Variants in GPATCH2 observed in about 807,000 individuals in gnomAD.
GPATCH2 encodes the protein G patch domain-containing protein 2.
Under a neutral mutation model 58.0 loss-of-function variants are expected in GPATCH2, and 51 were observed. The ratio of observed to expected loss-of-function variants is 0.88; its 90% confidence interval spans 0.70 to 1.11. GPATCH2 has a LOEUF of 1.11. GPATCH2 is among the 50% of genes most tolerant of loss of function. The pLI is 0.00. For synonymous variants in GPATCH2, 222 were observed against 218.5 expected (o/e 1.02, Z -0.14); for missense variants, 625 against 652.2 (o/e 0.96, Z 0.45).
At chr1:217,609,316 CA>C (rs1203994718) in intron 5 of GPATCH2, 1 of 985,150 alleles carries the variant, frequency 1.0e-6, no homozygotes, top group Admixed American at 6.1e-5. Context: ...TTAAACATGA[CA>C]ATATGATTCA....
intron 8 of GPATCH2, among the ~76,000 whole-genome samples, chr1:217,473,465 G>C (rs554174664): frequency 6.6e-6 from 1 of 152,072 alleles, no homozygotes; most frequent in Admixed American, 6.5e-5. Context: ...TTTATGAAAA[G>C]AATTTCATGT....
At chr1:217,549,801 T>C (rs1665259954) in intron 5 of GPATCH2, among the ~76,000 whole-genome samples, 1 of 152,182 alleles carries the variant, frequency 6.6e-6, no homozygotes, top group Non-Finnish European at 1.5e-5. Context: ...TAACAGGTCT[T>C]ATGCAAAGTC....
At chr1:217,541,714 A>C (rs1436638081) in intron 5 of GPATCH2, among the ~76,000 whole-genome samples, 1 of 152,226 alleles carries the variant, frequency 6.6e-6, no homozygotes, top group Non-Finnish European at 1.5e-5. Flanking sequence ...ACATATAGTA[A>C]AATTCAATTA....
chr1:217,430,989 T>C lies in GPATCH2; in HGVS notation c.*156A>G, dbSNP rs1658506805. 1 of 621,828 alleles carries C rather than the reference T, an allele frequency of 1.6e-6. No homozygotes were observed. Among genetic ancestry groups the C allele is most frequent in the Non-Finnish European group, 2.9e-6 (1 of 346,674 alleles). The allele number at this position is 621,828 out of a possible 1,614,324, so 38.5% of individuals were successfully genotyped here. On this transcript the variant is annotated 3_prime_UTR_variant, in exon 10 of 10. Transcript: ENST00000366935. ...ACCATGAATTGTGATGAAATCCCAT[T>C]TCTCTCACTATGGCAGGACTGTATG...
At chr1:217,583,690 C>A (rs1667185769) in intron 5 of GPATCH2, among the ~76,000 whole-genome samples, 1 of 149,896 alleles carries the variant, frequency 6.7e-6, no homozygotes, top group South Asian at 2.1e-4. Flanking sequence ...ATACAGGAAG[C>A]ACAACATAAA....
chr1:217,524,929 GAGAGGGGA>G (rs1378947790), intron 5 of GPATCH2, among the ~76,000 whole-genome samples: 2 of 40,314 alleles, frequency 5.0e-5, no homozygotes, highest in Non-Finnish European at 4.5e-5. Context: ...GGGGAGAGGG[GAGAGGGGA>G]GAGGGAGATT....
At chr1:217,580,342 C>T (rs1279654494) in intron 5 of GPATCH2, among the ~76,000 whole-genome samples, 1 of 152,092 alleles carries the variant, frequency 6.6e-6, no homozygotes, top group African/African-American at 2.4e-5. Context: ...AGATGATGTA[C>T]AGAGGATGAA....
intron 2 of GPATCH2, among the ~76,000 whole-genome samples, chr1:217,618,833 C>T (rs1669031976): frequency 1.3e-5 from 2 of 151,792 alleles, no homozygotes; most frequent in African/African-American, 4.8e-5. Flanking sequence ...CATGGTGGTG[C>T]ACACAGGTAA....
intron 5 of GPATCH2, among the ~76,000 whole-genome samples, chr1:217,545,385 G>T (rs1386870445): frequency 6.6e-6 from 1 of 152,188 alleles, no homozygotes; most frequent in African/African-American, 2.4e-5. Context: ...TTAGAGTGAG[G>T]TCTTGGCCTC....
chr1:217,591,408 A>T (rs531133146), intron 5 of GPATCH2, among the ~76,000 whole-genome samples: 1 of 152,134 alleles, frequency 6.6e-6, no homozygotes, highest in African/African-American at 2.4e-5. Flanking sequence ...CCTAGTTAAA[A>T]GCATTGACAA....
chr1:217,494,141 A>G (rs561292868), intron 7 of GPATCH2, among the ~76,000 whole-genome samples: 2 of 152,336 alleles, frequency 1.3e-5, no homozygotes, highest in African/African-American at 4.8e-5. Flanking sequence ...TTAGATTTAT[A>G]TTATAATGTG....
intron 8 of GPATCH2, among the ~76,000 whole-genome samples, chr1:217,473,931 C>T (rs913810661): frequency 2.2e-4 from 33 of 152,134 alleles, no homozygotes; most frequent in Admixed American, 3.9e-4. Flanking sequence ...ACTAATATCA[C>T]TTGAATCAAT....
At chr1:217,584,098 T>G (rs1158387582) in intron 5 of GPATCH2, among the ~76,000 whole-genome samples, 1 of 151,840 alleles carries the variant, frequency 6.6e-6, no homozygotes, top group Non-Finnish European at 1.5e-5. Context: ...ATCTTATAGA[T>G]CTAAATAAAT....
intron 5 of GPATCH2, among the ~76,000 whole-genome samples, chr1:217,595,682 T>A (rs1029167936): frequency 1.3e-4 from 20 of 151,996 alleles, no homozygotes; most frequent in Non-Finnish European, 2.2e-4. Flanking sequence ...GTATTTTTAG[T>A]AGAGAAAGGG....
intron 8 of GPATCH2, among the ~76,000 whole-genome samples, chr1:217,450,832 T>C (rs1659632609): frequency 6.6e-6 from 1 of 152,152 alleles, no homozygotes; most frequent in South Asian, 2.1e-4. Flanking sequence ...CTGTGTCTAC[T>C]TTTTAAGATT....
chr1:217,509,239 G>A (rs973160958), intron 6 of GPATCH2, among the ~76,000 whole-genome samples: 3 of 152,220 alleles, frequency 2.0e-5, no homozygotes, highest in Non-Finnish European at 2.9e-5. Flanking sequence ...TACTTAGGAG[G>A]CTGAGGCACA....
intron 9 of GPATCH2, among the ~76,000 whole-genome samples, chr1:217,444,667 T>C (rs941531340): frequency 2.6e-5 from 4 of 152,318 alleles, no homozygotes; most frequent in Admixed American, 2.0e-4. Flanking sequence ...AGGTGAAGAA[T>C]TGCATATATC....
intron 3 of GPATCH2, among the ~76,000 whole-genome samples, chr1:217,611,841 T>C (rs1386556294): frequency 2.0e-5 from 3 of 152,146 alleles, no homozygotes; most frequent in African/African-American, 7.2e-5. Context: ...ACAAAACATT[T>C]TTTGTCTGTG....
intron 5 of GPATCH2, among the ~76,000 whole-genome samples, chr1:217,598,850 T>C (rs770860143): frequency 1.3e-5 from 2 of 152,160 alleles, no homozygotes; most frequent in African/African-American, 2.4e-5. Flanking sequence ...CATCATTGGG[T>C]AGACATAGTT....
Sources: gnomAD v4.1 joint callset for allele counts (sites outside exome capture counted in the v4.1 genomes callset) on GRCh38, gnomAD v4.1.1 for gene constraint, MANE v1.5 for transcripts, NCBI Gene and HGNC (gene_info 2026-07-23, HGNC 2026-07-21) for gene names.